Variants in USP15 observed in about 807,000 individuals in gnomAD.
USP15 encodes ubiquitin carboxyl-terminal hydrolase 15.
In USP15, 18 loss-of-function variants were observed where a neutral mutation model predicts 127.1. The observed-to-expected ratio is 0.14, with a 90% confidence interval of 0.10 to 0.21. The LOEUF (loss-of-function observed/expected upper bound fraction) is 0.21, where lower values mean the gene tolerates loss of function less well. Ranked by LOEUF, USP15 falls within the 10% of genes least tolerant of loss-of-function variation. USP15 has a pLI of 1.00. For missense variants in USP15, 805 were observed against 1,159.9 expected (o/e 0.69, Z 4.44); for synonymous variants, 364 against 393.7 (o/e 0.92, Z 0.89).
At chr12:62,280,764 T>C (rs1374914762) in intron 1 of USP15, among the ~76,000 whole-genome samples, 4 of 152,014 alleles carry the variant, frequency 2.6e-5, no homozygotes, top group Non-Finnish European at 5.9e-5. Flanking sequence ...CAGAAAATGG[T>C]GTGTCAAGGA....
chr12:62,318,884 T>G (rs1444151691), intron 4 of USP15, among the ~76,000 whole-genome samples: 1 of 152,182 alleles, frequency 6.6e-6, no homozygotes, highest in Non-Finnish European at 1.5e-5. Flanking sequence ...CAGCATATCT[T>G]CTTAGCAATT....
At chr12:62,355,504 A>C (rs755409088) in intron 8 of USP15, 29 bp downstream of exon 8, 3 of 1,558,514 alleles carry the variant, frequency 1.9e-6, no homozygotes, top group Admixed American at 2.0e-5. Context: ...AATGAAACTC[A>C]TGTTTCATGG....
Position 62,273,445 on chromosome 12 carries a change from C to T in USP15, c.89+12942C>T, listed in dbSNP as rs546773501. Among the ~76,000 whole-genome samples, 127 of 152,140 alleles carry T rather than the reference C, an allele frequency of 8.3e-4. No homozygotes were observed. In the Middle Eastern group the frequency reaches 0.01, roughly 12 times the overall value. On this transcript the variant is annotated intron_variant, in intron 1 of 21. Transcript: ENST00000280377. ...GAAGTATTTTTTGAATGAATGAATT[C>T]CCATTTCTAAGATGGACAGTCGAAG... is the stretch of plus-strand genomic sequence containing the variant.
intron 11 of USP15, among the ~76,000 whole-genome samples, chr12:62,387,596 A>G (rs759095518): frequency 1.3e-5 from 2 of 152,136 alleles, no homozygotes; most frequent in Non-Finnish European, 2.9e-5. Context: ...TAAAATAAAG[A>G]CTGATAAGTT....
Position 62,390,962 on chromosome 12 carries a change from A to G in USP15, c.1943A>G (p.His648Arg), listed in dbSNP as rs1449738074. The stretch of plus-strand genomic sequence containing the variant: ...AATGGGAATGGCCCAAATGGCATAC[A>G]TGAAGAAGGCTCACCAAGTAAGACT... ...NINGNGPNGIHEEGSPSEMET... is the reference protein window; with the variant it reads ...NINGNGPNGIREEGSPSEMET... The change falls in exon 15 of 22, where the codon CAT becomes CGT. Residue 648 changes from histidine to arginine, a missense_variant. His to Arg is a conservative substitution (Grantham distance 29). Transcript: ENST00000280377. 35 of 1,612,188 alleles carry G rather than the reference A, an allele frequency of 2.2e-5. No individual in the cohort carries two copies. Among genetic ancestry groups the G allele is most frequent in the Non-Finnish European group, 3.0e-5 (35 of 1,178,934 alleles).
intron 2 of USP15, among the ~76,000 whole-genome samples, chr12:62,295,059 T>C (rs1273414595): frequency 6.6e-6 from 1 of 152,218 alleles, no homozygotes; most frequent in Middle Eastern, 3.4e-3. Context: ...GAGTTTGCAG[T>C]CTAGGAAAAC....
chr12:62,277,531 T>TCTCC (rs2063528545), intron 1 of USP15: 1 of 152,074 alleles, frequency 6.6e-6, no homozygotes, highest in African/African-American at 2.4e-5. Context: ...TTACCATGAA[T>TCTCC]GGAGTTTGCA....
intron 8 of USP15, among the ~76,000 whole-genome samples, chr12:62,376,088 G>C (rs966542475): frequency 6.6e-6 from 1 of 151,810 alleles, no homozygotes; most frequent in Non-Finnish European, 1.5e-5. Context: ...TTATATCATG[G>C]TTAGTGAGCT....
Position 62,391,894 on chromosome 12 carries a change from ATCAC to A in USP15, c.2304+18_2304+21del, listed in dbSNP as rs771102179. On this transcript the variant is annotated intron_variant, in intron 17 of 21. Coordinates refer to ENST00000280377, the MANE Select transcript of USP15 (RefSeq NM_001252078.2). ...GATGAAAATGCTGCTGAGGTAAGTC[ATCAC>A]TCACTCACTTATTTACCTTTCCTTG... 1.2e-5 allele frequency: 20 copies of A among 1,604,068 alleles called. No homozygotes were observed. The highest frequency in any genetic ancestry group is 1.6e-5 in the Non-Finnish European group (19 of 1,173,914).
At chr12:62,309,795 T>C (rs1004889627) in intron 3 of USP15, among the ~76,000 whole-genome samples, 1 of 151,306 alleles carries the variant, frequency 6.6e-6, no homozygotes, top group African/African-American at 2.4e-5. Flanking sequence ...ATAATCTCAA[T>C]AGAGATACAA....
At chr12:62,395,775 T>G (rs1049480945) in intron 19 of USP15, among the ~76,000 whole-genome samples, 1 of 151,792 alleles carries the variant, frequency 6.6e-6, no homozygotes. Flanking sequence ...CTGGCTTATT[T>G]GATTTAACAT....
intron 6 of USP15, chr12:62,336,474 A>G (rs2065469807): frequency 3.0e-6 from 3 of 985,362 alleles, no homozygotes; most frequent in Non-Finnish European, 3.6e-6. Flanking sequence ...TCCTCACCTG[A>G]AGTTTTCAAA....
intron 19 of USP15, among the ~76,000 whole-genome samples, chr12:62,395,078 AAGAC>A (rs1160759572): frequency 2.0e-5 from 3 of 152,190 alleles, no homozygotes; most frequent in African/African-American, 7.2e-5. Flanking sequence ...TAGGTCATCA[AAGAC>A]AGCAAATGTA....
chr12:62,363,559 A>G (rs2066380883), intron 8 of USP15, among the ~76,000 whole-genome samples: 1 of 152,132 alleles, frequency 6.6e-6, no homozygotes. Flanking sequence ...TCACCCTGTA[A>G]AAAATAATGA....
chr12:62,416,351 G>C lies in USP15; in HGVS notation c.*11976G>C, dbSNP rs1031033753. The stretch of plus-strand genomic sequence containing the variant: ...ATGGTGTATGTGTGGCATAGTATTT[G>C]TTCCTAAATGTAAAAGTTATTAAAC... On this transcript the variant is annotated 3_prime_UTR_variant, in exon 22 of 22. Transcript: ENST00000280377. The C allele has an allele frequency of 1.3e-5, 2 of 152,158 alleles. No individual in the cohort carries two copies. Among genetic ancestry groups the C allele is most frequent in the African/African-American group, 4.8e-5 (2 of 41,446 alleles). The allele number at this position is 152,158 out of a possible 1,614,324, so 9.4% of individuals were successfully genotyped here. A position where few individuals can be genotyped will look rare whatever the true frequency, so the allele number is the denominator to read the frequency against.
chr12:62,276,557 C>T (rs1265766141), intron 1 of USP15, among the ~76,000 whole-genome samples: 1 of 152,112 alleles, frequency 6.6e-6, no homozygotes, highest in East Asian at 1.9e-4. Context: ...TATGAGATAT[C>T]ACTCATATAA....
chr12:62,328,172 A>G (rs943575772), intron 6 of USP15: 1 of 315,552 alleles, frequency 3.2e-6, no homozygotes, highest in African/African-American at 2.2e-5. Context: ...TATAAAATCC[A>G]AAACAGCAAA....
intron 1 of USP15, among the ~76,000 whole-genome samples, chr12:62,284,640 TAC>T (rs2063739557): frequency 1.3e-5 from 2 of 152,176 alleles, no homozygotes; most frequent in African/African-American, 4.8e-5. Context: ...CCTGTAGTAT[TAC>T]ACACATGAGC....
At chr12:62,344,556 G>A (rs934151565) in intron 6 of USP15, among the ~76,000 whole-genome samples, 15 of 152,214 alleles carry the variant, frequency 9.9e-5, no homozygotes, top group African/African-American at 3.6e-4. Context: ...TCTGGGGTCT[G>A]GAGGACAGCG....
Sources: allele counts gnomAD v4.1 joint callset (sites outside exome capture counted in the v4.1 genomes callset), GRCh38; gene constraint gnomAD v4.1.1; transcripts MANE v1.5; gene names NCBI Gene and HGNC (gene_info 2026-07-23, HGNC 2026-07-21).